ZYG11B: variants seen among roughly 807,000 people sequenced by gnomAD.
ZYG11B encodes the protein protein zyg-11 homolog B.
Under a neutral mutation model 82.4 loss-of-function variants are expected in ZYG11B, and 36 were observed. That is an observed-to-expected ratio of 0.44 (90% confidence interval 0.33 to 0.58). The LOEUF is 0.58. ZYG11B is among the 20% of genes least tolerant of loss of function. The pLI is 0.02. For missense variants in ZYG11B, 552 were observed against 895.6 expected, an observed-to-expected ratio of 0.62 and a Z score of 4.90; for synonymous variants, 303 against 312.8, an observed-to-expected ratio of 0.97 and a Z score of 0.33.
chr1:52,760,005 A>AT (rs1041765750), intron 2 of ZYG11B, among the ~76,000 whole-genome samples: 8 of 151,618 alleles, frequency 5.3e-5, no homozygotes, highest in Non-Finnish European at 7.4e-5. Flanking sequence ...TAATTTTTGT[A>AT]TTTTTTTTAG....
intron 3 of ZYG11B, among the ~76,000 whole-genome samples, chr1:52,776,474 C>G (rs1644811540): frequency 6.9e-6 from 1 of 144,006 alleles, no homozygotes; most frequent in Non-Finnish European, 1.5e-5. Flanking sequence ...GTGGAGGTTG[C>G]AGTGAGCCAA....
In ZYG11B at chr1:52,793,887, C is replaced by CCTTCCTTCCTTACTTA. The variant is rs531699442; in HGVS notation, c.1335-2394_1335-2393insACTTACTTCCTTCCTT. Reference sequence around the variant, plus strand: ...TCTTTCTTTCCTTCCTTCCTTCCTTCCTTCCTTCCTTCCTTTCTTTCCTTT... The same window carrying CCTTCCTTCCTTACTTA: ...TCTTTCTTTCCTTCCTTCCTTCCTTCCTTCCTTCCTTACTTACTTCCTTCCTTCCTTTCTTTCCTTT... On this transcript the variant is annotated intron_variant, in intron 6 of 13. Coordinates refer to ENST00000294353, the MANE Select transcript of ZYG11B (RefSeq NM_024646.3). 9.0e-5 allele frequency among the ~76,000 whole-genome samples: 13 copies of CCTTCCTTCCTTACTTA among 144,854 alleles called. No homozygotes were observed. In the Admixed American group the frequency reaches 9.0e-4, roughly 10 times the overall value.
intron 1 of ZYG11B, among the ~76,000 whole-genome samples, chr1:52,747,587 T>TCTC (rs557346074): frequency 2.4e-4 from 37 of 152,076 alleles, no homozygotes; most frequent in African/African-American, 8.7e-4. Flanking sequence ...TCTTTTTTTT[T>TCTC]TCTCTCTCTC....
chr1:52,735,647 C>T (rs1465428127), intron 1 of ZYG11B, among the ~76,000 whole-genome samples: 1 of 152,108 alleles, frequency 6.6e-6, no homozygotes, highest in Non-Finnish European at 1.5e-5. Context: ...AGTGATTCTC[C>T]TGCCTCAGCC....
In ZYG11B at chr1:52,783,321, A is replaced by AT. The variant is rs201893982; in HGVS notation, c.1093-1548dup. Among the ~76,000 whole-genome samples the AT allele has an allele frequency of 6.2e-3, 943 of 152,130 alleles. 12 individuals carry two copies. The highest frequency in any genetic ancestry group is 0.022 in the African/African-American group (905 of 41,506). On this transcript the variant is annotated intron_variant, in intron 4 of 13. Coordinates refer to ENST00000294353, the MANE Select transcript of ZYG11B (RefSeq NM_024646.3). Reference sequence around the variant, plus strand: ...GTGAGATTAAAAGAGGGATGTTTTGATTTTTTTTAATAGGAAAAATATATC... The same window carrying AT: ...GTGAGATTAAAAGAGGGATGTTTTGATTTTTTTTTAATAGGAAAAATATATC...
chr1:52,766,164 A>G lies in ZYG11B; in HGVS notation c.197-4856A>G, dbSNP rs559890095. Among the ~76,000 whole-genome samples the G allele has an allele frequency of 2.6e-3, 361 of 141,394 alleles. 1 individual carries two copies. Among genetic ancestry groups the G allele is most frequent in the African/African-American group, 9.3e-3 (349 of 37,562 alleles). 92.8% of individuals were successfully genotyped at this position (141,394 alleles called of 152,430 possible). A position where few individuals can be genotyped will look rare whatever the true frequency, so the allele number is the denominator to read the frequency against. On this transcript the variant is annotated intron_variant, in intron 2 of 13. Transcript: ENST00000294353. ...GATGGAGAATCTTGCTGTGTCGCCCAGGCTGGAGTGCAGTGGTGCGATCTT... is the reference window on the plus strand; with the variant it reads ...GATGGAGAATCTTGCTGTGTCGCCCGGGCTGGAGTGCAGTGGTGCGATCTT...
chr1:52,775,135 G>A (rs1644793478), intron 3 of ZYG11B, among the ~76,000 whole-genome samples: 1 of 148,760 alleles, frequency 6.7e-6, no homozygotes, highest in Non-Finnish European at 1.5e-5. Context: ...TTCCTTTGTT[G>A]GTTCTTCCTC....
intron 8 of ZYG11B, among the ~76,000 whole-genome samples, chr1:52,797,148 TTATATATTTATATATTATATATTA>T (rs1484836052): frequency 0.016 from 1,211 of 77,328 alleles, 42 homozygotes; most frequent in African/African-American, 0.075. Flanking sequence ...ATATTATATA[TTATATATTTATATATTATATATTA>T]TATATATTTA....
At chr1:52,738,837 C>T (rs1217856164) in intron 1 of ZYG11B, among the ~76,000 whole-genome samples, 6 of 150,054 alleles carry the variant, frequency 4.0e-5, no homozygotes, top group East Asian at 2.0e-4. Flanking sequence ...CTCAAACTCC[C>T]GACCTCAGGT....
rs1345743718 is a variant in ZYG11B, at chr1:52,816,550, C to T, written c.1965C>T (p.Phe655=). ...MVAYRSFNPF[F]PLLGCFTTPG... ...CCTTTAGGTCCTTTAATCCATTTTT[C>T]CCATTACTTGGCTGTTTCACAACAC... is the stretch of plus-strand genomic sequence containing the variant. Residue 655 remains phenylalanine, a synonymous_variant, in exon 13 of 14, where the codon TTC becomes TTT. Transcript: ENST00000294353. 1 of 1,610,610 alleles carries T rather than the reference C, an allele frequency of 6.2e-7. No homozygotes were observed. Among genetic ancestry groups the T allele is most frequent in the Non-Finnish European group, 8.5e-7 (1 of 1,178,952 alleles).
At chr1:52,755,706 T>A (rs1644569894) in intron 1 of ZYG11B, among the ~76,000 whole-genome samples, 1 of 152,090 alleles carries the variant, frequency 6.6e-6, no homozygotes, top group Non-Finnish European at 1.5e-5. Flanking sequence ...GGTTTCTCCA[T>A]GTTGGTCAGG....
chr1:52,788,511 T>C (rs1395859711), intron 5 of ZYG11B, among the ~76,000 whole-genome samples: 1 of 152,214 alleles, frequency 6.6e-6, no homozygotes, highest in South Asian at 2.1e-4. Flanking sequence ...TGTAGCATGG[T>C]GTAGCAAGTA....
intron 10 of ZYG11B, among the ~76,000 whole-genome samples, chr1:52,809,105 CT>C (rs1645163826): frequency 6.6e-6 from 1 of 152,016 alleles, no homozygotes; most frequent in South Asian, 2.1e-4. Context: ...TTATGTTTTC[CT>C]GATACTTGGC....
At chr1:52,762,982 G>GT (rs986617318) in intron 2 of ZYG11B, among the ~76,000 whole-genome samples, 1 of 141,458 alleles carries the variant, frequency 7.1e-6, no homozygotes, top group Non-Finnish European at 1.6e-5. Flanking sequence ...AGATTGGGGG[G>GT]GGGGGGTCTA....
At chr1:52,749,453 T>C (rs1644503425) in intron 1 of ZYG11B, among the ~76,000 whole-genome samples, 1 of 152,216 alleles carries the variant, frequency 6.6e-6, no homozygotes, top group South Asian at 2.1e-4. Flanking sequence ...AATACCTTGC[T>C]AAAGTGTTTA....
chr1:52,738,951 A>G (rs1370479816), intron 1 of ZYG11B, among the ~76,000 whole-genome samples: 2 of 139,638 alleles, frequency 1.4e-5, no homozygotes, highest in Non-Finnish European at 3.1e-5. Context: ...TGGTTATATA[A>G]CATTTATAAT....
intron 1 of ZYG11B, among the ~76,000 whole-genome samples, chr1:52,745,462 G>A (rs1280372233): frequency 6.6e-6 from 1 of 152,128 alleles, no homozygotes; most frequent in Non-Finnish European, 1.5e-5. Context: ...CTTATAGGTA[G>A]TTCATTTATT....
rs1558140160 is a variant in ZYG11B at position 52,803,129 on chromosome 1, TATATACACACATATATATATATATACAC to T, written c.1695+996_1695+1023del. Among the ~76,000 whole-genome samples, 35 of 76,898 alleles carry T rather than the reference TATATACACACATATATATATATATACAC, an allele frequency of 4.6e-4. 1 individual carries two copies. The highest frequency in any genetic ancestry group is 1.6e-3 in the African/African-American group (19 of 11,804). 50.4% of individuals were successfully genotyped at this position (76,898 alleles called of 152,430 possible). A position where few individuals can be genotyped will look rare whatever the true frequency, so the allele number is the denominator to read the frequency against. Reference sequence around the variant, plus strand: ...ATATATATATATATACACACATATATATATACACACATATATATATATATACACATATATATATACACACATATATATA... The same window carrying T: ...ATATATATATATATACACACATATATATATATATATACACACATATATATA... On this transcript the variant is annotated intron_variant, in intron 10 of 13. Coordinates refer to ENST00000294353, the MANE Select transcript of ZYG11B (RefSeq NM_024646.3).
intron 1 of ZYG11B, among the ~76,000 whole-genome samples, chr1:52,727,490 AT>A (rs944977884): frequency 1.1e-3 from 162 of 152,290 alleles, no homozygotes; most frequent in African/African-American, 3.7e-3. Context: ...TAGCTAAAAA[AT>A]GTTTTGAATT....
Sources: allele counts gnomAD v4.1 joint callset (sites outside exome capture counted in the v4.1 genomes callset), GRCh38; gene constraint gnomAD v4.1.1; transcripts MANE v1.5; gene names NCBI Gene and HGNC (gene_info 2026-07-23, HGNC 2026-07-21).